The following ARHGEF39 variants were observed in gnomAD, a reference collection of about 807,000 sequenced individuals.
The protein encoded by ARHGEF39 is Rho guanine nucleotide exchange factor (GEF) 39.
In ARHGEF39, 45 loss-of-function variants were observed where a neutral mutation model predicts 47.5. That is an observed-to-expected ratio of 0.95 (90% CI 0.75 to 1.22). ARHGEF39 has a LOEUF of 1.22. Ranked by LOEUF, ARHGEF39 falls within the 50% of genes most tolerant of loss-of-function variation. The pLI, the probability that ARHGEF39 is intolerant of heterozygous loss-of-function variation, is 0.00. For synonymous variants in ARHGEF39, 164 were observed against 167.8 expected, an observed-to-expected ratio of 0.98 and a Z score of 0.17; for missense variants, 411 against 425.3, an observed-to-expected ratio of 0.97 and a Z score of 0.30.
chr9:35,662,689 C>A lies in ARHGEF39; in HGVS notation c.726G>T (p.Glu242Asp). ...GWLLVVPPHG[E>D]PRPRMFFLFT... ...AGAGGAAGAACATGCGGGGCCGAGGCTCCCCATGGGGAGGCACCACTAACA... is the reference window on the plus strand; with the variant it reads ...AGAGGAAGAACATGCGGGGCCGAGGATCCCCATGGGGAGGCACCACTAACA... Residue 242 changes from glutamate (E) to aspartate (D), a missense_variant, in exon 7 of 9, where the codon GAG (glutamate) becomes GAT (aspartate). Glu to Asp is a conservative substitution (Grantham distance 45, BLOSUM62 2). Coordinates refer to ENST00000378387, the MANE Select transcript of ARHGEF39 (RefSeq NM_032818.3). 1 of 1,585,906 alleles carries A rather than the reference C, an allele frequency of 6.3e-7. No homozygotes were observed. The highest frequency in any genetic ancestry group is 8.6e-7 in the Non-Finnish European group (1 of 1,166,340).
Position 35,665,135 on chromosome 9 carries a change from A to G in ARHGEF39, c.35T>C (p.Val12Ala), listed in dbSNP as rs1393297091. 6.5e-7 allele frequency: 1 copy of G among 1,543,856 alleles called. No homozygotes were observed. The highest frequency in any genetic ancestry group is 1.2e-5 in the South Asian group (1 of 83,816). The change falls in exon 1 of 9, where the codon GTG (valine) becomes GCG (alanine). Residue 12 changes from valine (V) to alanine (A), a missense_variant. By Grantham distance (64) the Val-to-Ala change is moderately conservative. Coordinates refer to ENST00000378387, the MANE Select transcript of ARHGEF39 (RefSeq NM_032818.3). ...ELSCPGSRCP[V>A]QEQRARWERK... Reference sequence around the variant, plus strand: ...CTCCCAGCGGGCACGCTGCTCTTGCACCGGGCACCGCGAACCGGGGCAGGA... The same window carrying G: ...CTCCCAGCGGGCACGCTGCTCTTGCGCCGGGCACCGCGAACCGGGGCAGGA...
In ARHGEF39 at chr9:35,661,647, T is replaced by A. The variant is rs1823955778; in HGVS notation, c.*340A>T. 1 of 423,642 alleles carries A rather than the reference T, an allele frequency of 2.4e-6. No individual in the cohort carries two copies. Among genetic ancestry groups the A allele is most frequent in the East Asian group, 3.4e-5 (1 of 29,400 alleles). 26.2% of individuals were successfully genotyped at this position (423,642 alleles called of 1,614,324 possible). ...TTTAGTTGGGTTGGACTTGGTTTCC[T>A]GATTCTTCTTTTTTAATAAAATTTC... On this transcript the variant is annotated 3_prime_UTR_variant, in exon 9 of 9. Transcript: ENST00000378387.
chr9:35,662,397 C>T, intron 7 of ARHGEF39, 115 bp downstream of exon 7: 2 of 1,378,136 alleles, frequency 1.5e-6, no homozygotes, highest in Non-Finnish European at 2.0e-6. Context: ...CCCAGCTATC[C>T]TCTCTCAATG....
At position 35,662,586 on chromosome 9, in the gene ARHGEF39, G is replaced by C. The variant is rs761571235; in HGVS notation, c.829C>G (p.Leu277Val). The change falls in exon 7 of 9, where the codon CTC becomes GTC. Residue 277 changes from leucine to valine, a missense_variant. Leu to Val is a conservative substitution (Grantham distance 32). Coordinates refer to ENST00000378387, the MANE Select transcript of ARHGEF39 (RefSeq NM_032818.3). The part of the protein sequence containing the change: ...LRSGTFACKA[L>V]YPMAQCHLSR... ...AGATGACACTGGGCCATGGGGTAGA[G>C]GGCCTTGCAGGCAAAGGTGCCACTC... is the stretch of plus-strand genomic sequence containing the variant. The C allele has an allele frequency of 1.2e-6, 2 of 1,614,210 alleles. No homozygotes were observed. Among genetic ancestry groups the C allele is most frequent in the Non-Finnish European group, 1.7e-6 (2 of 1,180,050 alleles).
rs1341426672 is a variant in ARHGEF39, at chr9:35,664,039, G to A, written c.442C>T (p.Leu148=). The change falls in exon 4 of 9, where the codon CTG becomes TTG. Residue 148 remains leucine, a synonymous_variant. Coordinates refer to ENST00000378387, the MANE Select transcript of ARHGEF39 (RefSeq NM_032818.3). The stretch of plus-strand genomic sequence containing the variant: ...AGCCGTTGCAGAGGCAGAGGGAGCA[G>A]GTCCTGGAGCTGAAGGCCCCCAAAC... ...PEFGGLQLQD[L]LPLPLQRLQQ... 1 of 1,614,116 alleles carries A rather than the reference G, an allele frequency of 6.2e-7. No individual in the cohort carries two copies. Among genetic ancestry groups the A allele is most frequent in the Non-Finnish European group, 8.5e-7 (1 of 1,179,966 alleles).
In ARHGEF39 at chr9:35,664,806, A is replaced by G. The variant is rs1362667445; in HGVS notation, c.183T>C (p.Pro61=). 6 of 1,612,132 alleles carry G rather than the reference A, an allele frequency of 3.7e-6. No homozygotes were observed. The highest frequency in any genetic ancestry group is 5.1e-6 in the Non-Finnish European group (6 of 1,180,002). ...ILKAKGTLRP[P]ERQALFGSWE... ...AGGAGCCAAACAGGGCCTGGCGCTC[A>G]GGTGGTCGCAGGGTCCCCTTGGCTT... Residue 61 remains proline, a synonymous_variant, in exon 2 of 9, where the codon CCT becomes CCC. Transcript: ENST00000378387.
intron 2 of ARHGEF39, 131 bp downstream of exon 2, chr9:35,664,625 G>A (rs989685564): frequency 1.4e-6 from 2 of 1,479,522 alleles, no homozygotes; most frequent in African/African-American, 2.8e-5. Flanking sequence ...GCATGCTAAG[G>A]CCCTGGGCCA....
At chr9:35,664,671 GA>G in intron 2 of ARHGEF39, 84 bp downstream of exon 2, 1 of 1,498,922 alleles carries the variant, frequency 6.7e-7, no homozygotes, top group Non-Finnish European at 8.9e-7. Context: ...ACTCCAAATA[GA>G]ACCTAAGTCT....
In ARHGEF39 at chr9:35,662,958, C is replaced by T. The variant is rs765542787; in HGVS notation, c.661G>A (p.Gly221Arg). ...QALLSGRQAKGLTSGRWFLRQ... is the reference protein window; with the variant it reads ...QALLSGRQAKRLTSGRWFLRQ... ...GTAGGCAAGCTACCTGAGGTCAGCC[C>T]CTTTGCCTGGCGTCCACTGAGCAGA... The change falls in exon 6 of 9, where the codon GGG becomes AGG. Residue 221 changes from glycine (G) to arginine (R), a missense_variant. Physicochemically the swap from Gly to Arg is moderately radical, Grantham distance 125. Transcript: ENST00000378387. The T allele has an allele frequency of 1.2e-6, 2 of 1,606,636 alleles. No individual in the cohort carries two copies. The highest frequency in any genetic ancestry group is 4.5e-5 in the East Asian group (2 of 44,798).
In ARHGEF39 at chr9:35,661,927, G is replaced by A; in HGVS notation, c.*60C>T. 6.4e-7 allele frequency: 1 copy of A among 1,565,982 alleles called. No individual in the cohort carries two copies. The highest frequency in any genetic ancestry group is 8.7e-7 in the Non-Finnish European group (1 of 1,148,742). Reference sequence around the variant, plus strand: ...TTTGTTCAGTACTGAAGATTCCTTTGTACTCTTGGCTGTGACCTATCCCTG... The same window carrying A: ...TTTGTTCAGTACTGAAGATTCCTTTATACTCTTGGCTGTGACCTATCCCTG... On this transcript the variant is annotated 3_prime_UTR_variant, in exon 9 of 9. Transcript: ENST00000378387.
At position 35,662,552 on chromosome 9, in the gene ARHGEF39, AC is replaced by A. The variant is rs1181000485; in HGVS notation, c.862del (p.Val288SerfsTer39). The A allele has an allele frequency of 6.2e-7, 1 of 1,614,008 alleles. No homozygotes were observed. Among genetic ancestry groups the A allele is most frequent in the Non-Finnish European group, 8.5e-7 (1 of 1,180,028 alleles). On this transcript the variant is annotated frameshift_variant, in exon 7 of 9. Coordinates refer to ENST00000378387, the MANE Select transcript of ARHGEF39 (RefSeq NM_032818.3). LOFTEE classifies it high-confidence loss of function. ...ACAAGGGCCTCCTGAGTGGCCAAAG[AC>A]CCTGCTGAGATGACACTGGGCCATG... ...YPMAQCHLSR[V>X]FGHSGGPCGG...
Position 35,663,353 on chromosome 9 carries a change from A to G in ARHGEF39, c.513T>C (p.Gly171=), listed in dbSNP as rs1210253914. Residue 171 remains glycine (G), a synonymous_variant, in exon 5 of 9, where the codon GGT becomes GGC. Transcript: ENST00000378387. The part of the protein sequence containing the change: ...NLVVALAENT[G]PNSPDHQQLT... ...GCTGTTGATGGTCAGGGCTGTTGGGACCTGTGTTTTCAGCCAAAGCTACGA... is the reference window on the plus strand; with the variant it reads ...GCTGTTGATGGTCAGGGCTGTTGGGGCCTGTGTTTTCAGCCAAAGCTACGA... 6.2e-7 allele frequency: 1 copy of G among 1,613,872 alleles called. No individual in the cohort carries two copies. The highest frequency in any genetic ancestry group is 1.3e-5 in the African/African-American group (1 of 74,972).
chr9:35,664,344 G>A (rs1258266563), intron 3 of ARHGEF39, 28 bp downstream of exon 3: 3 of 1,581,462 alleles, frequency 1.9e-6, no homozygotes, highest in South Asian at 2.3e-5. Flanking sequence ...AAGGTAAGGG[G>A]CAAGATTTGA....
rs747714583 is a variant in ARHGEF39 at position 35,660,990 on chromosome 9, GAGA to G, written c.*994_*996del. On this transcript the variant is annotated 3_prime_UTR_variant, in exon 9 of 9. Transcript: ENST00000378387. ...CTTCTGTTTAAAGGAGGACGAGGAG[GAGA>G]TTGGTGACAGTCAGGCCTGGGAGGA... The G allele has an allele frequency of 6.2e-6, 10 of 1,614,014 alleles. No homozygotes were observed. The Admixed American group carries it at 1.5e-4, about 24-fold the overall frequency.
At position 35,661,416 on chromosome 9, in the gene ARHGEF39, A is replaced by C; in HGVS notation, c.*571T>G. 1 of 458,612 alleles carries C rather than the reference A, an allele frequency of 2.2e-6. No homozygotes were observed. The highest frequency in any genetic ancestry group is 5.4e-5 in the South Asian group (1 of 18,524). 28.4% of individuals were successfully genotyped at this position (458,612 alleles called of 1,614,324 possible). ...CCAAAAATCCCTTTTCTCATAGCAAAACTGAGACAGAAGGGTCTTTCCCAA... is the reference window on the plus strand; with the variant it reads ...CCAAAAATCCCTTTTCTCATAGCAACACTGAGACAGAAGGGTCTTTCCCAA... On this transcript the variant is annotated 3_prime_UTR_variant, in exon 9 of 9. Transcript: ENST00000378387.
intron 8 of ARHGEF39, 47 bp downstream of exon 8, chr9:35,662,132 T>C (rs1472927226): frequency 1.2e-6 from 2 of 1,601,182 alleles, no homozygotes; most frequent in African/African-American, 1.3e-5. Context: ...TATTTCCTGC[T>C]TGTGGGCCTC....
At chr9:35,663,941 A>G in intron 4 of ARHGEF39, 67 bp downstream of exon 4, 1 of 1,521,996 alleles carries the variant, frequency 6.6e-7, no homozygotes, top group Admixed American at 1.7e-5. Context: ...AAGGCATCCC[A>G]CAAAGCTGAG....
At position 35,662,675 on chromosome 9, in the gene ARHGEF39, A is replaced by G. The variant is rs774481310; in HGVS notation, c.740T>C (p.Met247Thr). 1.2e-6 allele frequency: 2 copies of G among 1,600,154 alleles called. No homozygotes were observed. The highest frequency in any genetic ancestry group is 2.2e-5 in the South Asian group (2 of 89,578). The change falls in exon 7 of 9, where the codon ATG becomes ACG. Residue 247 changes from methionine to threonine, a missense_variant. Physicochemically the swap from Met to Thr is moderately conservative, Grantham distance 81. Transcript: ENST00000378387. ...GAGCACATCAGTGAAGAGGAAGAAC[A>G]TGCGGGGCCGAGGCTCCCCATGGGG... ...VPPHGEPRPRMFFLFTDVLLM... is the reference protein window; with the variant it reads ...VPPHGEPRPRTFFLFTDVLLM...
chr9:35,665,112 C>T lies in ARHGEF39; in HGVS notation c.58G>A (p.Glu20Lys), dbSNP rs1199747933. 1 of 1,548,776 alleles carries T rather than the reference C, an allele frequency of 6.5e-7. No individual in the cohort carries two copies. The highest frequency in any genetic ancestry group is 2.0e-5 in the Admixed American group (1 of 50,944). Residue 20 changes from glutamate to lysine, a missense_variant, in exon 1 of 9, where the codon GAG becomes AAG. Glu to Lys is a moderately conservative substitution (Grantham distance 56). Transcript: ENST00000378387. ...CGGGCGGTGCAGGCGCGTTTCCGCT[C>T]CCAGCGGGCACGCTGCTCTTGCACC... ...CPVQEQRARW[E>K]RKRACTAREL... is the part of the protein sequence containing the mutation.
Sources: gnomAD v4.1 joint callset for allele counts on GRCh38, gnomAD v4.1.1 for gene constraint, MANE v1.5 for transcripts, NCBI Gene and HGNC (gene_info 2026-07-23, HGNC 2026-07-21) for gene names.